The following PPP6R2 variants were observed in gnomAD, a reference collection of about 807,000 sequenced individuals.
The protein encoded by PPP6R2 is protein phosphatase 6 regulatory subunit 2, also known as serine/threonine-protein phosphatase 6 regulatory subunit 2.
Under a neutral mutation model 100.2 loss-of-function variants are expected in PPP6R2, and 62 were observed. The ratio of observed to expected loss-of-function variants is 0.62; its 90% CI spans 0.50 to 0.76. The LOEUF (loss-of-function observed/expected upper bound fraction) is 0.76. Ranked by LOEUF, PPP6R2 falls within the 30% of genes least tolerant of loss-of-function variation. The pLI, the probability that PPP6R2 is intolerant of heterozygous loss-of-function variation, is 0.00. For synonymous variants in PPP6R2, 525 were observed against 514.7 expected (o/e 1.02, Z -0.27); for missense variants, 1,142 against 1,276.3 (o/e 0.89, Z 1.60).
intron 8 of PPP6R2, among the ~76,000 whole-genome samples, chr22:50,420,518 CCCA>C (rs1456013834): frequency 1.3e-5 from 2 of 152,174 alleles, no homozygotes; most frequent in Non-Finnish European, 2.9e-5. Flanking sequence ...TTCTCTGACC[CCCA>C]GTAGAAATTT....
At chr22:50,438,354 A>G in intron 18 of PPP6R2, 56 bp downstream of exon 18, 1 of 1,575,268 alleles carries the variant, frequency 6.3e-7, no homozygotes, top group Non-Finnish European at 8.6e-7. Flanking sequence ...AGCCCCCAGA[A>G]CACCTGTCAG....
intron 15 of PPP6R2, 87 bp downstream of exon 15, chr22:50,437,155 G>A: frequency 7.7e-7 from 1 of 1,298,334 alleles, no homozygotes; most frequent in Non-Finnish European, 1.1e-6. Flanking sequence ...GAGTCTGATG[G>A]CATCTCACTA....
the PPP6R2 span, among the ~76,000 whole-genome samples, chr22:50,336,052 T>C: frequency 6.6e-6 from 1 of 151,702 alleles, no homozygotes; most frequent in Non-Finnish European, 1.5e-5. Context: ...TGACACAATC[T>C]TGGTTCACTG....
At chr22:50,354,709 G>A (rs527528223) in intron 1 of PPP6R2, among the ~76,000 whole-genome samples, 17 of 150,984 alleles carry the variant, frequency 1.1e-4, no homozygotes, top group South Asian at 2.1e-4. Flanking sequence ...GCCTGTAATC[G>A]CAGCTACTCA....
chr22:50,359,326 C>A (rs2047312987), intron 1 of PPP6R2, among the ~76,000 whole-genome samples: 1 of 148,876 alleles, frequency 6.7e-6, no homozygotes, highest in African/African-American at 2.5e-5. Flanking sequence ...TCATGCCATT[C>A]TCCTGCCTCA....
upstream of PPP6R2, among the ~76,000 whole-genome samples, chr22:50,339,784 G>GTTA (rs2042349569): frequency 9.2e-6 from 1 of 109,252 alleles, no homozygotes; most frequent in Non-Finnish European, 1.7e-5. Context: ...TGTGGTGTGT[G>GTTA]TGTGGTGTGT....
At chr22:50,364,503 C>T (rs59162510) in intron 1 of PPP6R2, among the ~76,000 whole-genome samples, 3,619 of 152,028 alleles carry the variant, frequency 0.024, 138 homozygotes, top group African/African-American at 0.083. Context: ...GATATTATGT[C>T]CTTCTCTAGA....
chr22:50,406,731 G>A lies in PPP6R2; in HGVS notation c.270G>A (p.Pro90=), dbSNP rs556612016. The change falls in exon 4 of 24, where the codon CCG becomes CCA. Residue 90 remains proline, a synonymous_variant. Transcript: ENST00000612753. The part of the protein sequence containing the change: ...TACELLTCDV[P]QISDRLGGDE... ...GTGAGCTTCTGACTTGTGATGTGCCGCAGATCAGCGACCGCCTCGGTGGGG... is the reference window on the plus strand; with the variant it reads ...GTGAGCTTCTGACTTGTGATGTGCCACAGATCAGCGACCGCCTCGGTGGGG... 36 of 1,613,770 alleles carry A rather than the reference G, an allele frequency of 2.2e-5. No homozygotes were observed. Among genetic ancestry groups the A allele is most frequent in the South Asian group, 9.9e-5 (9 of 91,064 alleles).
intron 6 of PPP6R2, 81 bp downstream of exon 6, chr22:50,416,238 G>A (rs1488149762): frequency 9.3e-6 from 12 of 1,296,904 alleles, no homozygotes; most frequent in Middle Eastern, 2.4e-4. Context: ...GCCAGGGGGC[G>A]AGGGAGGGCA....
intron 2 of PPP6R2, among the ~76,000 whole-genome samples, chr22:50,392,226 C>T (rs1012678670): frequency 2.0e-5 from 3 of 151,966 alleles, no homozygotes; most frequent in Middle Eastern, 3.4e-3. Context: ...GCAGACCAGG[C>T]TTGGTGGCTC....
chr22:50,404,599 G>GTTTT (rs57447654), intron 3 of PPP6R2, among the ~76,000 whole-genome samples: 1 of 120,182 alleles, frequency 8.3e-6, no homozygotes, highest in African/African-American at 3.2e-5. Context: ...TTTCTTTCTT[G>GTTTT]TTTTTTTTTT....
At chr22:50,416,354 G>A (rs1429452443) in intron 6 of PPP6R2, among the ~76,000 whole-genome samples, 197 bp downstream of exon 6, 1 of 149,916 alleles carries the variant, frequency 6.7e-6, no homozygotes, top group African/African-American at 2.5e-5. Flanking sequence ...TTGAGATGGC[G>A]TTTCGCTCTT....
In PPP6R2 at chr22:50,444,574, C is replaced by G; in HGVS notation, c.*327C>G. On this transcript the variant is annotated 3_prime_UTR_variant, in exon 24 of 24. Coordinates refer to ENST00000612753, the MANE Select transcript of PPP6R2 (RefSeq NM_001242898.2). ...GCAGGACCCTGAGATGCCACCAGGA[C>G]CTGATGGGCCAGGAAGGGCGTGGAC... 2 of 341,538 alleles carry G rather than the reference C, an allele frequency of 5.9e-6. No individual in the cohort carries two copies. The highest frequency in any genetic ancestry group is 1.1e-5 in the Non-Finnish European group (2 of 189,028). The allele number at this position is 341,538 out of a possible 1,614,324, so 21.2% of individuals were successfully genotyped here.
At chr22:50,427,622 G>A (rs938043351) in intron 10 of PPP6R2, among the ~76,000 whole-genome samples, 8 of 152,200 alleles carry the variant, frequency 5.3e-5, no homozygotes, top group Middle Eastern at 3.4e-3. Flanking sequence ...GCGCAATCTC[G>A]GCTCACCGCA....
intron 14 of PPP6R2, 21 bp from the exon 15 acceptor site, chr22:50,436,967 C>G: frequency 6.5e-7 from 1 of 1,548,974 alleles, no homozygotes; most frequent in Non-Finnish European, 8.7e-7. Context: ...ACACGCCCAC[C>G]CCATCTGGCC....
intron 1 of PPP6R2, among the ~76,000 whole-genome samples, chr22:50,362,500 G>A (rs4073477): frequency 0.19 from 28,941 of 152,094 alleles, 3,028 homozygotes; most frequent in South Asian, 0.35. Flanking sequence ...CTGTGTTCCC[G>A]TTGCAGAGCA....
chr22:50,396,471 G>T (rs1485116946), intron 3 of PPP6R2, among the ~76,000 whole-genome samples: 1 of 150,762 alleles, frequency 6.6e-6, no homozygotes, highest in Non-Finnish European at 1.5e-5. Context: ...CTCCAGCCTG[G>T]GCGACAGAGT....
At chr22:50,356,334 ACT>A (rs1169318591) in intron 1 of PPP6R2, among the ~76,000 whole-genome samples, 2 of 131,910 alleles carry the variant, frequency 1.5e-5, no homozygotes, top group Admixed American at 8.0e-5. Context: ...AGAGGGTGTC[ACT>A]CTGTCATCTC....
At chr22:50,412,623 A>G (rs982822435) in intron 4 of PPP6R2, among the ~76,000 whole-genome samples, 4 of 146,048 alleles carry the variant, frequency 2.7e-5, no homozygotes, top group Non-Finnish European at 6.0e-5. Context: ...GTCAGTTTAA[A>G]TAAGTCCTTT....
Sources: gnomAD v4.1 joint callset for allele counts (sites outside exome capture counted in the v4.1 genomes callset) on GRCh38, gnomAD v4.1.1 for gene constraint, MANE v1.5 for transcripts, NCBI Gene and HGNC (gene_info 2026-07-23, HGNC 2026-07-21) for gene names.